MACROD2: variants seen among roughly 807,000 people sequenced by gnomAD.
MACROD2 encodes the protein ADP-ribose glycohydrolase MACROD2.
Under a neutral mutation model 70.4 loss-of-function variants are expected in MACROD2, and 36 were observed. That is an observed-to-expected ratio of 0.51 (90% CI 0.39 to 0.68). The LOEUF is 0.68. MACROD2 is among the 30% of genes least tolerant of loss of function. The pLI is 0.00. For synonymous variants in MACROD2, 172 were observed against 178.8 expected (o/e 0.96, Z 0.30); for missense variants, 496 against 538.4 (o/e 0.92, Z 0.78).
intron 4 of MACROD2, among the ~76,000 whole-genome samples, chr20:14,504,632 C>A (rs774244094): frequency 1.3e-5 from 2 of 152,176 alleles, no homozygotes; most frequent in Non-Finnish European, 2.9e-5. Flanking sequence ...CTTTACCCCT[C>A]AGAGTTATTT....
At chr20:14,714,643 C>T (rs1217023703) in intron 5 of MACROD2, among the ~76,000 whole-genome samples, 1 of 152,092 alleles carries the variant, frequency 6.6e-6, no homozygotes, top group Non-Finnish European at 1.5e-5. Flanking sequence ...GTTCAACATG[C>T]CCCCTCTCAT....
intron 15 of MACROD2, among the ~76,000 whole-genome samples, chr20:16,025,923 A>G (rs1380936680): frequency 2.6e-5 from 4 of 151,780 alleles, no homozygotes; most frequent in Admixed American, 6.6e-5. Flanking sequence ...AGACAGGTGG[A>G]TCATCTGAGG....
At chr20:14,862,168 TA>T (rs1388701593) in intron 5 of MACROD2, among the ~76,000 whole-genome samples, 9 of 5,042 alleles carry the variant, frequency 1.8e-3, no homozygotes, top group Admixed American at 3.1e-3. Context: ...TAAATATATA[TA>T]AATATATATA....
At chr20:15,356,542 G>A (rs2146235431) in intron 6 of MACROD2, among the ~76,000 whole-genome samples, 1 of 152,212 alleles carries the variant, frequency 6.6e-6, no homozygotes, top group South Asian at 2.1e-4. Flanking sequence ...CAACACTTTG[G>A]GAGGCTGAGG....
chr20:15,050,060 T>A (rs1279979757), intron 5 of MACROD2, among the ~76,000 whole-genome samples: 1 of 152,184 alleles, frequency 6.6e-6, no homozygotes, highest in African/African-American at 2.4e-5. Flanking sequence ...TTCATAAACC[T>A]ACACAACCAG....
chr20:15,534,755 G>A (rs1272930717), intron 8 of MACROD2, among the ~76,000 whole-genome samples: 2 of 152,142 alleles, frequency 1.3e-5, no homozygotes, highest in Non-Finnish European at 2.9e-5. Flanking sequence ...GTAGTGTGGA[G>A]TAAACAAAGC....
At chr20:14,815,158 A>C (rs16995015) in intron 5 of MACROD2, among the ~76,000 whole-genome samples, 30,671 of 151,948 alleles carry the variant, frequency 0.2, 3,348 homozygotes, top group East Asian at 0.24. Flanking sequence ...CTGTTACCCA[A>C]TAACATACTT....
chr20:15,499,800 A>G lies in MACROD2; in HGVS notation c.598A>G (p.Ile200Val), dbSNP rs41275432. 6.2e-6 allele frequency: 10 copies of G among 1,613,852 alleles called. No individual in the cohort carries two copies. The highest frequency in any genetic ancestry group is 8.5e-6 in the Non-Finnish European group (10 of 1,179,800). The stretch of plus-strand genomic sequence containing the variant: ...CTTTCCCAACGAGCCTGCTGCAGTC[A>G]TTGCCCTCAACACCATTAAGGAATG... ...YGFPNEPAAV[I>V]ALNTIKEWLA... The change falls in exon 8 of 18, where the codon ATT becomes GTT. Residue 200 changes from isoleucine to valine, a missense_variant. Transcript: ENST00000684519.
intron 8 of MACROD2, among the ~76,000 whole-genome samples, chr20:15,843,158 G>T (rs1208051062): frequency 6.6e-6 from 1 of 152,150 alleles, no homozygotes; most frequent in African/African-American, 2.4e-5. Context: ...AAAACACTTT[G>T]ACAATGAAAC....
At chr20:15,228,510 A>G (rs6043142) in intron 5 of MACROD2, among the ~76,000 whole-genome samples, 1 of 103,730 alleles carries the variant, frequency 9.6e-6, no homozygotes, top group African/African-American at 3.7e-5. Context: ...TTTTTTTGAG[A>G]TGGAGTCTCA....
chr20:14,330,371 A>G (rs1350206816), intron 3 of MACROD2, among the ~76,000 whole-genome samples: 1 of 152,020 alleles, frequency 6.6e-6, no homozygotes, highest in Non-Finnish European at 1.5e-5. Flanking sequence ...ACATTTGAGT[A>G]TCCTGGAAAT....
At chr20:15,185,839 TCCA>T (rs2076531210) in intron 5 of MACROD2, among the ~76,000 whole-genome samples, 1 of 152,200 alleles carries the variant, frequency 6.6e-6, no homozygotes, top group Admixed American at 6.5e-5. Context: ...GAAATGAGTT[TCCA>T]CCATTTATCA....
chr20:15,913,313 G>C (rs887343844), intron 10 of MACROD2, among the ~76,000 whole-genome samples: 6 of 152,258 alleles, frequency 3.9e-5, no homozygotes, highest in African/African-American at 1.2e-4. Flanking sequence ...TAAGGCTGGA[G>C]AGAGTTTTGC....
intron 3 of MACROD2, among the ~76,000 whole-genome samples, chr20:14,385,310 TG>T (rs1297110780): frequency 3.9e-5 from 6 of 152,194 alleles, no homozygotes; most frequent in African/African-American, 1.4e-4. Flanking sequence ...GAAATGTAGA[TG>T]GCTACACCTT....
intron 8 of MACROD2, among the ~76,000 whole-genome samples, chr20:15,752,517 T>A (rs1402458698): frequency 6.6e-6 from 1 of 152,104 alleles, no homozygotes; most frequent in Non-Finnish European, 1.5e-5. Context: ...GCAGTCCAAT[T>A]ACAGAACCTG....
At chr20:16,013,770 T>C (rs1411763506) in intron 15 of MACROD2, among the ~76,000 whole-genome samples, 1 of 152,220 alleles carries the variant, frequency 6.6e-6, no homozygotes, top group African/African-American at 2.4e-5. Flanking sequence ...GACATTGCAA[T>C]TTACCACCTC....
At chr20:15,627,936 G>A (rs956506) in intron 8 of MACROD2, among the ~76,000 whole-genome samples, 25,025 of 152,076 alleles carry the variant, frequency 0.16, 2,181 homozygotes, top group South Asian at 0.23. Context: ...TTGCACTGCC[G>A]TAATTTTCTC....
rs11907780 is a variant in MACROD2, at chr20:15,987,836, T to G, written c.1153+678T>G. ...GTGTTAACTGAAGAACTTAAAGAAT[T>G]CAATTTTTAAATATAAAGCAATCTC... On this transcript the variant is annotated intron_variant, in intron 15 of 17. Coordinates refer to ENST00000684519, the MANE Select transcript of MACROD2 (RefSeq NM_001351661.2). Among the ~76,000 whole-genome samples, 1,155 of 152,302 alleles carry G rather than the reference T, an allele frequency of 7.6e-3. 16 individuals carry two copies. Among genetic ancestry groups the G allele is most frequent in the African/African-American group, 0.026 (1,101 of 41,566 alleles).
chr20:14,446,090 G>A (rs1365001584), intron 3 of MACROD2, among the ~76,000 whole-genome samples: 1 of 152,072 alleles, frequency 6.6e-6, no homozygotes. Flanking sequence ...TACCTAGGAA[G>A]AAGCAGAAAC....
Sources: gnomAD v4.1 joint callset for allele counts (sites outside exome capture counted in the v4.1 genomes callset) on GRCh38, gnomAD v4.1.1 for gene constraint, MANE v1.5 for transcripts, NCBI Gene and HGNC (gene_info 2026-07-23, HGNC 2026-07-21) for gene names.